The following FAM204A variants were observed in gnomAD, a reference collection of about 807,000 sequenced individuals.
The protein encoded by FAM204A is family with sequence similarity 204 member A.
In FAM204A, 16 loss-of-function variants were observed where a neutral mutation model predicts 35.4. That is an observed-to-expected ratio of 0.45 (90% confidence interval 0.31 to 0.69). The LOEUF (loss-of-function observed/expected upper bound fraction) is 0.69, where lower values mean the gene tolerates loss of function less well. FAM204A is among the 30% of genes least tolerant of loss of function. FAM204A has a pLI of 0.07. For synonymous variants in FAM204A, 76 were observed against 86.9 expected (o/e 0.88, Z 0.70); for missense variants, 240 against 265.7 (o/e 0.90, Z 0.67).
At chr10:118,328,494 GTT>G (rs35224218) in intron 6 of FAM204A, among the ~76,000 whole-genome samples, 67 of 137,612 alleles carry the variant, frequency 4.9e-4, no homozygotes, top group Admixed American at 9.4e-4. Flanking sequence ...TATGTCAACT[GTT>G]TTTTTTTTTT....
chr10:118,336,931 T>A (rs1846397822), intron 2 of FAM204A, among the ~76,000 whole-genome samples: 1 of 152,208 alleles, frequency 6.6e-6, no homozygotes, highest in South Asian at 2.1e-4. Flanking sequence ...AGGAAAATTT[T>A]TAAGCTACAT....
chr10:118,313,951 C>T (rs1262002442), intron 7 of FAM204A, among the ~76,000 whole-genome samples: 1 of 152,186 alleles, frequency 6.6e-6, no homozygotes, highest in Non-Finnish European at 1.5e-5. Context: ...GGCATGCAGT[C>T]ATCTGACTTC....
In FAM204A at chr10:118,303,147, T is replaced by G. The variant is rs1003286358; in HGVS notation, c.*7710A>C. ...TCTTAAACTTCCCAGCACCTTGATT[T>G]CCTCATCTAAAAAACAAGTATAATG... On this transcript the variant is annotated 3_prime_UTR_variant, in exon 9 of 9. Transcript: ENST00000369183. 6.6e-6 allele frequency: 1 copy of G among 152,244 alleles called. No individual in the cohort carries two copies. Among genetic ancestry groups the G allele is most frequent in the Admixed American group, 6.5e-5 (1 of 15,280 alleles). 9.4% of individuals were successfully genotyped at this position (152,244 alleles called of 1,614,324 possible).
At chr10:118,314,762 T>C (rs745659293) in intron 7 of FAM204A, among the ~76,000 whole-genome samples, 13 of 152,178 alleles carry the variant, frequency 8.5e-5, no homozygotes, top group African/African-American at 1.4e-4. Flanking sequence ...ATAAAATATA[T>C]ACAAAATTTC....
At chr10:118,335,000 T>C (rs1846356082) in intron 6 of FAM204A, 114 bp downstream of exon 6, 2 of 682,532 alleles carry the variant, frequency 2.9e-6, no homozygotes, top group Admixed American at 2.8e-5. Context: ...CCCTTTTTGG[T>C]ATGCAGTAGG....
rs953104569 is a variant in FAM204A at position 118,299,547 on chromosome 10, C to T, written c.*11310G>A. On this transcript the variant is annotated 3_prime_UTR_variant, in exon 9 of 9. Transcript: ENST00000369183. ...TACAGGGGTGTACCACCACATATGG[C>T]TAATTTTTTATTTTTTGTAGTGATG... 1 of 151,888 alleles carries T rather than the reference C, an allele frequency of 6.6e-6. No individual in the cohort carries two copies. The highest frequency in any genetic ancestry group is 2.4e-5 in the African/African-American group (1 of 41,312). The allele number at this position is 151,888 out of a possible 1,614,324, so 9.4% of individuals were successfully genotyped here.
chr10:118,328,213 T>C (rs1437399422), intron 6 of FAM204A, among the ~76,000 whole-genome samples: 1 of 152,134 alleles, frequency 6.6e-6, no homozygotes. Flanking sequence ...TCACCCCAAG[T>C]CTTTCTACCT....
intron 6 of FAM204A, among the ~76,000 whole-genome samples, chr10:118,331,391 G>A (rs1481981747): frequency 1.3e-5 from 2 of 152,114 alleles, no homozygotes; most frequent in African/African-American, 4.8e-5. Flanking sequence ...GACAAACCTA[G>A]GAATGGCAAT....
In FAM204A at chr10:118,310,169, C is replaced by T. The variant is rs1845925119; in HGVS notation, c.*688G>A. ...CAGTTCCAGTAAACGTGTAGTTACA[C>T]TGGGTACAGATAAGAAAATACAAGG... is the stretch of plus-strand genomic sequence containing the variant. On this transcript the variant is annotated 3_prime_UTR_variant, in exon 9 of 9. Coordinates refer to ENST00000369183, the MANE Select transcript of FAM204A (RefSeq NM_022063.3). The T allele has an allele frequency of 6.6e-6, 1 of 151,984 alleles. No individual in the cohort carries two copies. Among genetic ancestry groups the T allele is most frequent in the Non-Finnish European group, 1.5e-5 (1 of 68,002 alleles). 9.4% of individuals were successfully genotyped at this position (151,984 alleles called of 1,614,324 possible). A position where few individuals can be genotyped will look rare whatever the true frequency, so the allele number is the denominator to read the frequency against.
intron 7 of FAM204A, among the ~76,000 whole-genome samples, chr10:118,311,736 G>C (rs935449741): frequency 6.6e-6 from 1 of 152,212 alleles, no homozygotes; most frequent in Admixed American, 6.5e-5. Flanking sequence ...ATCTCATGCT[G>C]ATCAGAAGCT....
At chr10:118,318,964 C>A (rs1846071767) in intron 7 of FAM204A, among the ~76,000 whole-genome samples, 1 of 150,980 alleles carries the variant, frequency 6.6e-6, no homozygotes, top group South Asian at 2.1e-4. Flanking sequence ...ACTTCAAGCT[C>A]CTTTTCCATC....
rs7071983 is a variant in FAM204A at position 118,341,441 on chromosome 10, C to T, written c.-9+286G>A. ...TTACTATTTTCAAGCATGTTAACATCAACATTAACGTAAATATCCTATTTA... is the reference window on the plus strand; with the variant it reads ...TTACTATTTTCAAGCATGTTAACATTAACATTAACGTAAATATCCTATTTA... On this transcript the variant is annotated intron_variant, in intron 2 of 8. Transcript: ENST00000369183. Among the ~76,000 whole-genome samples, 1,267 of 152,196 alleles carry T rather than the reference C, an allele frequency of 8.3e-3. 18 individuals are homozygous for T. The highest frequency in any genetic ancestry group is 0.029 in the African/African-American group (1,221 of 41,512).
chr10:118,322,370 C>T (rs1420041862), intron 7 of FAM204A: 3 of 456,178 alleles, frequency 6.6e-6, no homozygotes, highest in East Asian at 7.0e-5. Context: ...GTCTCTGGAT[C>T]GCTGACACTG....
chr10:118,337,185 A>G, intron 2 of FAM204A: 3 of 950,968 alleles, frequency 3.2e-6, no homozygotes, highest in Non-Finnish European at 3.8e-6. Context: ...AAATAGCAGA[A>G]TTGTTATCAT....
intron 7 of FAM204A, among the ~76,000 whole-genome samples, chr10:118,314,886 T>C (rs1175024184): frequency 2.0e-5 from 3 of 152,146 alleles, no homozygotes; most frequent in Non-Finnish European, 2.9e-5. Flanking sequence ...GGTCAGAGCA[T>C]GCAGTAAGGA....
At position 118,310,625 on chromosome 10, in the gene FAM204A, A is replaced by G. The variant is rs1358672975; in HGVS notation, c.*232T>C. The G allele has an allele frequency of 3.1e-5, 15 of 491,320 alleles. No homozygotes were observed. The Admixed American group carries it at 3.7e-4, about 12-fold the overall frequency. 30.4% of individuals were successfully genotyped at this position (491,320 alleles called of 1,614,324 possible). A position where few individuals can be genotyped will look rare whatever the true frequency, so the allele number is the denominator to read the frequency against. On this transcript the variant is annotated 3_prime_UTR_variant, in exon 9 of 9. Coordinates refer to ENST00000369183, the MANE Select transcript of FAM204A (RefSeq NM_022063.3). Reference sequence around the variant, plus strand: ...AACAAAATCCTATCCTCTTCTTTCTATATTTTTTTTCTTACATTTCTTATA... The same window carrying G: ...AACAAAATCCTATCCTCTTCTTTCTGTATTTTTTTTCTTACATTTCTTATA...
intron 6 of FAM204A, among the ~76,000 whole-genome samples, chr10:118,328,992 A>C (rs1846243689): frequency 6.6e-6 from 1 of 152,146 alleles, no homozygotes; most frequent in Non-Finnish European, 1.5e-5. Context: ...CCCTGTACCA[A>C]TACCTACATC....
At chr10:118,328,538 G>A (rs1309986704) in intron 6 of FAM204A, among the ~76,000 whole-genome samples, 1 of 150,886 alleles carries the variant, frequency 6.6e-6, no homozygotes, top group Middle Eastern at 3.4e-3. Context: ...CTGTCGCCAG[G>A]CTGGAGTGCA....
chr10:118,334,175 C>T (rs750577602), intron 6 of FAM204A, among the ~76,000 whole-genome samples: 18 of 152,176 alleles, frequency 1.2e-4, no homozygotes, highest in Non-Finnish European at 1.5e-4. Context: ...TAACCAACAA[C>T]TCTGCTCCTG....
Sources: allele counts gnomAD v4.1 joint callset (sites outside exome capture counted in the v4.1 genomes callset), GRCh38; gene constraint gnomAD v4.1.1; transcripts MANE v1.5; gene names NCBI Gene and HGNC (gene_info 2026-07-23, HGNC 2026-07-21).